Variants in BBS9 observed in about 807,000 individuals in gnomAD.
The protein encoded by BBS9 is protein PTHB1.
In BBS9, 89 loss-of-function variants were observed where a neutral mutation model predicts 117.7. The ratio of observed to expected loss-of-function variants is 0.76; its 90% CI spans 0.64 to 0.90. BBS9 has a LOEUF of 0.90. Among genes scored for constraint, BBS9 ranks in the 40% least tolerant of loss-of-function variants. BBS9 has a pLI of 0.00. For missense variants in BBS9, 982 were observed against 1,042.2 expected (o/e 0.94, Z 0.80); for synonymous variants, 379 against 370.9 (o/e 1.02, Z -0.25).
chr7:33,322,774 A>G (rs1374520711), intron 9 of BBS9, among the ~76,000 whole-genome samples: 2 of 151,646 alleles, frequency 1.3e-5, no homozygotes, highest in Non-Finnish European at 2.9e-5. Flanking sequence ...TCTTTTAGTA[A>G]TCTTGGGTTT....
chr7:33,367,463 T>G (rs116229108), intron 16 of BBS9, among the ~76,000 whole-genome samples: 4,001 of 152,302 alleles, frequency 0.026, 181 homozygotes, highest in African/African-American at 0.092. Context: ...GGCTCGGTAA[T>G]AGCTTCCTTG....
chr7:33,365,012 A>T (rs1006131355), intron 16 of BBS9, among the ~76,000 whole-genome samples: 19 of 151,524 alleles, frequency 1.3e-4, no homozygotes, highest in Non-Finnish European at 2.5e-4. Flanking sequence ...TACTGCGCCC[A>T]GCTGTTTTCA....
chr7:33,370,834 T>C (rs1437537282), intron 17 of BBS9, among the ~76,000 whole-genome samples: 1 of 152,226 alleles, frequency 6.6e-6, no homozygotes, highest in East Asian at 1.9e-4. Context: ...TCTCTGGTTC[T>C]GTTTTTATCT....
intron 19 of BBS9, among the ~76,000 whole-genome samples, chr7:33,453,957 A>G (rs1316797813): frequency 6.6e-6 from 1 of 152,118 alleles, no homozygotes; most frequent in Admixed American, 6.5e-5. Flanking sequence ...AATTTGGGGG[A>G]GTCAAAAGTT....
At chr7:33,196,636 G>A (rs115772555) in intron 5 of BBS9, among the ~76,000 whole-genome samples, 3,962 of 152,226 alleles carry the variant, frequency 0.026, 186 homozygotes, top group African/African-American at 0.09. Flanking sequence ...GAATCTCTGT[G>A]GTGTACTGGC....
In BBS9 at chr7:33,208,483, G is replaced by T. The variant is rs111388254; in HGVS notation, c.442+30892G>T. Among the ~76,000 whole-genome samples, 6 of 152,258 alleles carry T rather than the reference G, an allele frequency of 3.9e-5. 1 individual carries two copies. Among genetic ancestry groups the T allele is most frequent in the African/African-American group, 1.4e-4 (6 of 41,544 alleles). On this transcript the variant is annotated intron_variant, in intron 5 of 22. Transcript: ENST00000242067. ...CATGTTGAGAATTTTTGCATTTATTGTTTCACCTTTTCCTTCTGGGGTGGT... is the reference window on the plus strand; with the variant it reads ...CATGTTGAGAATTTTTGCATTTATTTTTTCACCTTTTCCTTCTGGGGTGGT...
At chr7:33,611,176 G>A (rs528874124) in intron 21 of BBS9, among the ~76,000 whole-genome samples, 27 of 151,990 alleles carry the variant, frequency 1.8e-4, no homozygotes, top group African/African-American at 3.1e-4. Context: ...TGTTTATTCC[G>A]TCTGGTACCA....
At chr7:33,582,947 G>A (rs1190342308) in intron 21 of BBS9, among the ~76,000 whole-genome samples, 2 of 152,104 alleles carry the variant, frequency 1.3e-5, no homozygotes, top group African/African-American at 4.8e-5. Context: ...AAGACTGCTG[G>A]TCCAGAACTA....
intron 5 of BBS9, among the ~76,000 whole-genome samples, chr7:33,191,762 A>G (rs1223958625): frequency 6.6e-6 from 1 of 152,212 alleles, no homozygotes; most frequent in Non-Finnish European, 1.5e-5. Flanking sequence ...CTTGGTATGC[A>G]TAGATATTTA....
At chr7:33,133,926 T>C (rs904992743) in intron 1 of BBS9, among the ~76,000 whole-genome samples, 4 of 152,262 alleles carry the variant, frequency 2.6e-5, no homozygotes, top group African/African-American at 9.6e-5. Context: ...ACTAGCAGTA[T>C]ATGAGGGCTC....
Position 33,605,299 on chromosome 7 carries a change from C to T in BBS9, c.*73C>T. 1 of 1,481,758 alleles carries T rather than the reference C, an allele frequency of 6.7e-7. No homozygotes were observed. Among genetic ancestry groups the T allele is most frequent in the South Asian group, 1.1e-5 (1 of 88,300 alleles). The allele number at this position is 1,481,758 out of a possible 1,614,324, so 91.8% of individuals were successfully genotyped here. ...GAACCTGTGTGAACCTCATGCCAAGCACAGATATAGGGCTGGCGCAGGTGC... is the reference window on the plus strand; with the variant it reads ...GAACCTGTGTGAACCTCATGCCAAGTACAGATATAGGGCTGGCGCAGGTGC... On this transcript the variant is annotated 3_prime_UTR_variant, in exon 23 of 23. Coordinates refer to ENST00000242067, the MANE Select transcript of BBS9 (RefSeq NM_198428.3).
intron 19 of BBS9, among the ~76,000 whole-genome samples, chr7:33,391,406 ACACACATACACACATG>A (rs1266574740): frequency 1.3e-5 from 2 of 152,138 alleles, no homozygotes; most frequent in South Asian, 2.1e-4. Flanking sequence ...TCTCTATGAG[ACACACATACACACATG>A]CACACATACA....
At chr7:33,448,015 A>G (rs1837246539) in intron 19 of BBS9, among the ~76,000 whole-genome samples, 2 of 152,156 alleles carry the variant, frequency 1.3e-5, no homozygotes, top group African/African-American at 2.4e-5. Flanking sequence ...AAAAACACCC[A>G]ATCTATTTTC....
chr7:33,155,737 TACAAATTGGG>T, intron 4 of BBS9, 35 bp downstream of exon 4: 2 of 1,225,468 alleles, frequency 1.6e-6, no homozygotes, highest in Non-Finnish European at 2.4e-6. Flanking sequence ...GAATTTATAT[TACAAATTGGG>T]CTTAATGTTA....
intron 21 of BBS9, among the ~76,000 whole-genome samples, chr7:33,617,047 T>G (rs577318509): frequency 2.0e-4 from 30 of 152,110 alleles, no homozygotes; most frequent in Non-Finnish European, 4.0e-4. Context: ...CTTCATTCTT[T>G]TTTTTTAAAT....
rs79215646 is a variant in BBS9, at chr7:33,297,930, G to A, written c.1016+23974G>A. Among the ~76,000 whole-genome samples the A allele has an allele frequency of 3.6e-3, 550 of 152,110 alleles. 2 individuals are homozygous for A. The highest frequency in any genetic ancestry group is 0.015 in the East Asian group (79 of 5,182). On this transcript the variant is annotated intron_variant, in intron 9 of 22. Transcript: ENST00000242067. ...TTTTTCAGTCCTCTATGGTTTTACC[G>A]TAGTGAACCTTTCAAAATTTCATTG...
At chr7:33,134,052 T>C (rs1790046225) in intron 1 of BBS9, among the ~76,000 whole-genome samples, 1 of 152,126 alleles carries the variant, frequency 6.6e-6, no homozygotes, top group South Asian at 2.1e-4. Context: ...CTAATTATGC[T>C]GAGCATTTTT....
intron 7 of BBS9, among the ~76,000 whole-genome samples, chr7:33,265,165 A>C (rs1251576782): frequency 6.6e-6 from 1 of 152,234 alleles, no homozygotes; most frequent in Non-Finnish European, 1.5e-5. Context: ...ATCTGAGGAT[A>C]CACAAGAAGG....
intron 21 of BBS9, among the ~76,000 whole-genome samples, chr7:33,577,970 G>A (rs1036008010): frequency 4.6e-5 from 7 of 152,272 alleles, no homozygotes; most frequent in African/African-American, 1.4e-4. Context: ...GTTGATGGGT[G>A]CAGCAAACCA....
Sources: gnomAD v4.1 joint callset for allele counts (sites outside exome capture counted in the v4.1 genomes callset) on GRCh38, gnomAD v4.1.1 for gene constraint, MANE v1.5 for transcripts, NCBI Gene and HGNC (gene_info 2026-07-23, HGNC 2026-07-21) for gene names.